The following SLIT1 variants were observed in gnomAD, a reference collection of about 807,000 sequenced individuals.
SLIT1 encodes slit guidance ligand 1, also known as slit homolog 1 protein.
SLIT1 carries 66 observed loss-of-function variants against 186.1 expected under a neutral mutation model. The ratio of observed to expected loss-of-function variants is 0.35; its 90% CI spans 0.29 to 0.44. The LOEUF is 0.44. SLIT1 is among the 20% of genes least tolerant of loss of function. SLIT1 has a pLI of 1.00. For synonymous variants in SLIT1, 761 were observed against 833.8 expected (o/e 0.91, Z 1.50); for missense variants, 1,638 against 2,037.4 (o/e 0.80, Z 3.77).
intron 34 of SLIT1, among the ~76,000 whole-genome samples, chr10:97,003,653 G>A (rs1430095253): frequency 1.3e-5 from 2 of 152,162 alleles, no homozygotes; most frequent in Admixed American, 1.3e-4. Context: ...AGCCTCTAAG[G>A]CCAGCCGAGG....
intron 30 of SLIT1, among the ~76,000 whole-genome samples, chr10:97,012,949 T>A (rs1241151246): frequency 1.3e-5 from 2 of 152,234 alleles, no homozygotes; most frequent in African/African-American, 4.8e-5. Context: ...TTGGAAGCAT[T>A]ATTTTAAAAC....
chr10:97,038,350 C>T (rs530186375), intron 21 of SLIT1, among the ~76,000 whole-genome samples: 4 of 152,292 alleles, frequency 2.6e-5, no homozygotes, highest in South Asian at 4.1e-4. Context: ...TCATGCCACC[C>T]GCCGACTGTG....
At chr10:97,057,565 CA>C (rs1848852719) in intron 11 of SLIT1, among the ~76,000 whole-genome samples, 1 of 152,254 alleles carries the variant, frequency 6.6e-6, no homozygotes, top group Non-Finnish European at 1.5e-5. Flanking sequence ...ACGTGGACCC[CA>C]CAGAAGGCTG....
chr10:97,034,504 G>A lies in SLIT1; in HGVS notation c.2405C>T (p.Ser802Phe), dbSNP rs773407029. 10 of 1,613,578 alleles carry A rather than the reference G, an allele frequency of 6.2e-6. No individual in the cohort carries two copies. Among genetic ancestry groups the A allele is most frequent in the East Asian group, 2.2e-5 (1 of 44,864 alleles). ...SNNKISSLSNSSFTNMSQLTT... is the reference protein window; with the variant it reads ...SNNKISSLSNFSFTNMSQLTT... ...CAGCTGGCTCATGTTGGTGAAGGAG[G>A]AATTGCTTAAGGAACTGATCTTGTT... The change falls in exon 23 of 37, where the codon TCC (serine) becomes TTC (phenylalanine). Residue 802 changes from serine to phenylalanine, a missense_variant. Physicochemically the swap from Ser to Phe is radical, Grantham distance 155. Transcript: ENST00000266058.
intron 1 of SLIT1, among the ~76,000 whole-genome samples, chr10:97,169,498 C>T (rs1005616057): frequency 4.5e-4 from 68 of 152,316 alleles, no homozygotes; most frequent in African/African-American, 1.6e-3. Flanking sequence ...CATCTGATTC[C>T]TCCAACAGGA....
rs1338590931 is a variant in SLIT1 at position 97,064,978 on chromosome 10, C to A, written c.486-102G>T. The A allele has an allele frequency of 6.2e-6, 5 of 806,802 alleles. No homozygotes were observed. In the East Asian group the frequency reaches 1.4e-4, roughly 22 times the overall value. The allele number at this position is 806,802 out of a possible 1,614,324, so 50.0% of individuals were successfully genotyped here. The stretch of plus-strand genomic sequence containing the variant: ...CTCCATTCATTCAAAAGAGGTGCAC[C>A]CCTAGCCGTTTGTTATGTGTATATG... On this transcript the variant is annotated intron_variant, in intron 5 of 36. Transcript: ENST00000266058.
In SLIT1 at chr10:97,059,457, C is replaced by T. The variant is rs1327462963; in HGVS notation, c.1085+3G>A. The T allele has an allele frequency of 3.7e-6, 6 of 1,613,234 alleles. No homozygotes were observed. Among genetic ancestry groups the T allele is most frequent in the Admixed American group, 1.7e-5 (1 of 60,032 alleles). On this transcript the variant is annotated splice_donor_region_variant and intron_variant, in intron 11 of 36. Coordinates refer to ENST00000266058, the MANE Select transcript of SLIT1 (RefSeq NM_003061.3). ...CTGAGGAAGCCTTGGCACTGCTACT[C>T]ACAGCGAGTTCAGGGAGCGGAGGCC...
At chr10:97,087,426 G>C (rs958614509) in intron 4 of SLIT1, among the ~76,000 whole-genome samples, 2 of 152,160 alleles carry the variant, frequency 1.3e-5, no homozygotes, top group African/African-American at 4.8e-5. Context: ...CTCCATCCCT[G>C]CATTTGTCAC....
At position 97,001,221 on chromosome 10, in the gene SLIT1, T is replaced by TG. The variant is rs1385521394; in HGVS notation, c.4495dup (p.Gln1499ProfsTer13). ...CTTCCTCCGCTTCAGCCGAAGGCCC[T>TG]GGCAGCAGCCCTGGCCTGGGCACGA... On this transcript the variant is annotated frameshift_variant, in exon 37 of 37. Coordinates refer to ENST00000266058, the MANE Select transcript of SLIT1 (RefSeq NM_003061.3). LOFTEE classifies it high-confidence loss of function. 1.9e-6 allele frequency: 3 copies of TG among 1,613,174 alleles called. No individual in the cohort carries two copies. Among genetic ancestry groups the TG allele is most frequent in the Non-Finnish European group, 2.5e-6 (3 of 1,179,908 alleles).
intron 25 of SLIT1, among the ~76,000 whole-genome samples, chr10:97,023,309 G>A (rs1008543515): frequency 2.7e-5 from 4 of 149,826 alleles, no homozygotes; most frequent in Admixed American, 2.0e-4. Flanking sequence ...CAAGTGATCC[G>A]TCCACCTCAG....
intron 4 of SLIT1, among the ~76,000 whole-genome samples, chr10:97,083,173 G>A (rs933025901): frequency 5.9e-5 from 9 of 151,980 alleles, no homozygotes; most frequent in Admixed American, 4.6e-4. Flanking sequence ...GGCCTCAAGC[G>A]ATGCTCCCAC....
At position 97,018,682 on chromosome 10, in the gene SLIT1, C is replaced by T. The variant is rs550666039; in HGVS notation, c.2873G>A (p.Gly958Asp). ...YRCACPSGYK[G>D]RDCEVSLDSC... ...GTCCAGGGACACCTCACAGTCTCGA[C>T]CCTGGGGGGAAAGTCAGTGATGGGG... is the stretch of plus-strand genomic sequence containing the variant. Residue 958 changes from glycine to aspartate, a missense_variant and splice_region_variant, in exon 28 of 37, where the codon GGT becomes GAT. Transcript: ENST00000266058. The T allele has an allele frequency of 2.5e-6, 4 of 1,575,816 alleles. No individual in the cohort carries two copies. The South Asian group carries it at 3.5e-5, about 14-fold the overall frequency.
chr10:97,178,707 T>G (rs1184481998), intron 1 of SLIT1, among the ~76,000 whole-genome samples: 2 of 152,134 alleles, frequency 1.3e-5, no homozygotes, highest in Non-Finnish European at 2.9e-5. Flanking sequence ...GAAAAAAGTT[T>G]CAACGTCTCC....
rs565459135 is a variant in SLIT1, at chr10:97,007,889, G to A, written c.3342-1169C>T. ...CTCCTAAGATTAGGAACAACACAAG[G>A]ATATTTGCTCTCACAATTTCTATTC... On this transcript the variant is annotated intron_variant, in intron 31 of 36. Transcript: ENST00000266058. Among the ~76,000 whole-genome samples, 8 of 150,644 alleles carry A rather than the reference G, an allele frequency of 5.3e-5. No individual in the cohort carries two copies. In the South Asian group the frequency reaches 1.7e-3, roughly 32 times the overall value.
intron 25 of SLIT1, among the ~76,000 whole-genome samples, chr10:97,024,330 C>A (rs576945423): frequency 1.3e-5 from 2 of 152,242 alleles, no homozygotes; most frequent in East Asian, 3.9e-4. Flanking sequence ...GCAGCTGCCC[C>A]GTGCCTGGGC....
At chr10:97,105,080 G>T (rs1406346505) in intron 4 of SLIT1, among the ~76,000 whole-genome samples, 2 of 152,186 alleles carry the variant, frequency 1.3e-5, no homozygotes, top group African/African-American at 4.8e-5. Flanking sequence ...ACAGAGACCT[G>T]GCCGATACTC....
chr10:97,003,711 G>A (rs1331333286), intron 34 of SLIT1, among the ~76,000 whole-genome samples: 1 of 152,208 alleles, frequency 6.6e-6, no homozygotes, highest in Non-Finnish European at 1.5e-5. Flanking sequence ...TCTTGCAGTG[G>A]TTCTGGGTCT....
chr10:97,008,840 A>T (rs2134590166), intron 31 of SLIT1, among the ~76,000 whole-genome samples: 2 of 152,024 alleles, frequency 1.3e-5, no homozygotes, highest in South Asian at 4.1e-4. Flanking sequence ...CAGAACAGCC[A>T]AAACAATCTT....
intron 1 of SLIT1, among the ~76,000 whole-genome samples, chr10:97,175,721 C>T (rs1850247706): frequency 6.6e-6 from 1 of 152,146 alleles, no homozygotes; most frequent in South Asian, 2.1e-4. Context: ...ACCCCCAAAC[C>T]ACAGCCCTGC....
Sources: gnomAD v4.1 joint callset for allele counts (sites outside exome capture counted in the v4.1 genomes callset) on GRCh38, gnomAD v4.1.1 for gene constraint, MANE v1.5 for transcripts, NCBI Gene and HGNC (gene_info 2026-07-23, HGNC 2026-07-21) for gene names.